CACNB2: variants seen among roughly 807,000 people sequenced by gnomAD.
The protein encoded by CACNB2 is calcium voltage-gated channel auxiliary subunit beta 2.
Under a neutral mutation model 73.3 loss-of-function variants are expected in CACNB2, and 42 were observed. The ratio of observed to expected loss-of-function variants is 0.57; its 90% CI spans 0.45 to 0.74. The LOEUF (loss-of-function observed/expected upper bound fraction) is 0.74, where lower values mean the gene tolerates loss of function less well. Among genes scored for constraint, CACNB2 ranks in the 30% least tolerant of loss-of-function variants. The probability of loss-of-function intolerance (pLI) is 0.00; values close to 1 mark genes in which losing one functional copy is unlikely to be tolerated. For missense variants in CACNB2, 940 were observed against 853.0 expected (o/e 1.10, Z -1.27); for synonymous variants, 348 against 310.3 (o/e 1.12, Z -1.28).
At chr10:18,176,062 A>G (rs573708499) in intron 2 of CACNB2, among the ~76,000 whole-genome samples, 2 of 152,330 alleles carry the variant, frequency 1.3e-5, no homozygotes, top group South Asian at 4.1e-4. Context: ...TTCTGAATGC[A>G]GCCTGTTATA....
chr10:18,536,154 C>T lies in CACNB2; in HGVS notation c.1260C>T (p.Asn420=), dbSNP rs931370978. The change falls in exon 12 of 14, where the codon AAC becomes AAT. Residue 420 remains asparagine, a synonymous_variant. Coordinates refer to ENST00000324631, the MANE Select transcript of CACNB2 (RefSeq NM_201596.3). ...GGAAATCTCAAGCTAAACACCTCAACGTCCAGATGGTAGCAGCTGATAAAC... is the reference window on the plus strand; with the variant it reads ...GGAAATCTCAAGCTAAACACCTCAATGTCCAGATGGTAGCAGCTGATAAAC... ...SRGKSQAKHL[N]VQMVAADKLA... The T allele has an allele frequency of 1.7e-5, 27 of 1,607,450 alleles. No homozygotes were observed. The highest frequency in any genetic ancestry group is 9.0e-5 in the East Asian group (4 of 44,494).
At chr10:18,376,975 T>C (rs2042824693) in intron 2 of CACNB2, among the ~76,000 whole-genome samples, 1 of 152,202 alleles carries the variant, frequency 6.6e-6, no homozygotes, top group African/African-American at 2.4e-5. Context: ...AATAATTTAA[T>C]TGTAAATTTT....
chr10:18,177,263 G>A (rs537277250), intron 2 of CACNB2, among the ~76,000 whole-genome samples: 4 of 152,184 alleles, frequency 2.6e-5, no homozygotes, highest in East Asian at 1.9e-4. Flanking sequence ...AAACAAACAC[G>A]TGCCTCAGTA....
Position 18,532,719 on chromosome 10 carries a change from AAAAAAAAC to A in CACNB2, c.1055-1348_1055-1341del, listed in dbSNP as rs1387197790. Reference sequence around the variant, plus strand: ...AAACAAAACAAAAAAACAAACAAACAAAAAAAACAAAAAAACCCACATATTAAACTTGT... The same window carrying A: ...AAACAAAACAAAAAAACAAACAAACAAAAAAAACCCACATATTAAACTTGT... On this transcript the variant is annotated intron_variant, in intron 10 of 13. Transcript: ENST00000324631. Among the ~76,000 whole-genome samples, 409 of 149,004 alleles carry A rather than the reference AAAAAAAAC, an allele frequency of 2.7e-3. 5 individuals carry two copies. Among genetic ancestry groups the A allele is most frequent in the African/African-American group, 9.7e-3 (392 of 40,484 alleles).
At chr10:18,157,693 A>G (rs1409802753) in intron 2 of CACNB2, among the ~76,000 whole-genome samples, 1 of 152,170 alleles carries the variant, frequency 6.6e-6, no homozygotes, top group Non-Finnish European at 1.5e-5. Flanking sequence ...AGTCTAAGTG[A>G]TTGACTCCAG....
chr10:18,298,377 A>C (rs542381096), intron 2 of CACNB2, among the ~76,000 whole-genome samples: 1 of 152,080 alleles, frequency 6.6e-6, no homozygotes, highest in South Asian at 2.1e-4. Flanking sequence ...CTCAAAAAAA[A>C]AAAAACCTAA....
intron 2 of CACNB2, among the ~76,000 whole-genome samples, chr10:18,188,889 T>C (rs1334440963): frequency 1.3e-5 from 2 of 152,138 alleles, no homozygotes; most frequent in Non-Finnish European, 2.9e-5. Flanking sequence ...ACTATGAAAC[T>C]TGAACTCACA....
At chr10:18,162,872 A>C (rs1260096598) in intron 2 of CACNB2, among the ~76,000 whole-genome samples, 2 of 152,232 alleles carry the variant, frequency 1.3e-5, no homozygotes, top group Non-Finnish European at 2.9e-5. Context: ...TTGCACACTG[A>C]TCGCAACATT....
At chr10:18,190,343 A>T (rs192859527) in intron 2 of CACNB2, among the ~76,000 whole-genome samples, 3 of 152,130 alleles carry the variant, frequency 2.0e-5, no homozygotes, top group Non-Finnish European at 4.4e-5. Flanking sequence ...TATTCCCTTC[A>T]GTTACTATTC....
chr10:18,442,999 T>TAC (rs1185137919), intron 3 of CACNB2, among the ~76,000 whole-genome samples: 1 of 12,876 alleles, frequency 7.8e-5, no homozygotes, highest in East Asian at 2.8e-3. Context: ...TATATATATG[T>TAC]GTATATATAT....
chr10:18,290,783 C>G (rs1466458682), intron 2 of CACNB2, among the ~76,000 whole-genome samples: 6 of 152,160 alleles, frequency 3.9e-5, no homozygotes, highest in Non-Finnish European at 7.3e-5. Flanking sequence ...AGGCAGAGGT[C>G]CGCCTGTATA....
Position 18,539,783 on chromosome 10 carries a change from TC to T in CACNB2, c.*63del. 1 of 1,522,106 alleles carries T rather than the reference TC, an allele frequency of 6.6e-7. No homozygotes were observed. Among genetic ancestry groups the T allele is most frequent in the South Asian group, 1.2e-5 (1 of 83,258 alleles). The allele number at this position is 1,522,106 out of a possible 1,614,324, so 94.3% of individuals were successfully genotyped here. On this transcript the variant is annotated 3_prime_UTR_variant, in exon 14 of 14. Transcript: ENST00000324631. ...TTGAAGTCTTGTATAACTAACAGCA[TC>T]CCCAAAACAAAGTCTTTGGGGTCTA...
chr10:18,535,497 G>A (rs1488203188), intron 11 of CACNB2, among the ~76,000 whole-genome samples: 1 of 152,134 alleles, frequency 6.6e-6, no homozygotes, highest in Non-Finnish European at 1.5e-5. Flanking sequence ...ATTCGGCCGG[G>A]CGCAGTGGCT....
At chr10:18,461,872 CG>C (rs748674364) in intron 3 of CACNB2, among the ~76,000 whole-genome samples, 1 of 148,968 alleles carries the variant, frequency 6.7e-6, no homozygotes, top group Non-Finnish European at 1.5e-5. Context: ...CTTTGGCACT[CG>C]AGGAGGGAGT....
intron 3 of CACNB2, among the ~76,000 whole-genome samples, chr10:18,479,698 TCG>T (rs918853591): frequency 8.2e-4 from 33 of 40,108 alleles, no homozygotes; most frequent in African/African-American, 2.1e-3. Context: ...TCTCTCTCTC[TCG>T]CTCGCTCGCT....
chr10:18,492,094 A>G (rs1481480715), intron 3 of CACNB2, among the ~76,000 whole-genome samples: 1 of 152,118 alleles, frequency 6.6e-6, no homozygotes, highest in African/African-American at 2.4e-5. Context: ...CATATCATAC[A>G]TGGCTGGCAC....
At chr10:18,309,971 C>T (rs1399121894) in intron 2 of CACNB2, among the ~76,000 whole-genome samples, 1 of 152,092 alleles carries the variant, frequency 6.6e-6, no homozygotes, top group African/African-American at 2.4e-5. Flanking sequence ...ATTTCTGATA[C>T]CAGTTATTTG....
chr10:18,297,643 G>C (rs951334897), intron 2 of CACNB2, among the ~76,000 whole-genome samples: 13 of 152,158 alleles, frequency 8.5e-5, no homozygotes, highest in Non-Finnish European at 1.6e-4. Flanking sequence ...ACAGGAGAGG[G>C]ATTCAGAACC....
At chr10:18,452,620 C>T (rs572885695) in intron 3 of CACNB2, among the ~76,000 whole-genome samples, 2 of 152,174 alleles carry the variant, frequency 1.3e-5, no homozygotes, top group Non-Finnish European at 2.9e-5. Flanking sequence ...CATAGCTCCC[C>T]TGTCACCTCA....
Sources: allele counts gnomAD v4.1 joint callset (sites outside exome capture counted in the v4.1 genomes callset), GRCh38; gene constraint gnomAD v4.1.1; transcripts MANE v1.5; gene names NCBI Gene and HGNC (gene_info 2026-07-23, HGNC 2026-07-21).